Variants in JARID2 observed in about 807,000 individuals in gnomAD.
JARID2 encodes jumonji and AT-rich interaction domain containing 2, also known as protein Jumonji.
Under a neutral mutation model 125.6 loss-of-function variants are expected in JARID2, and 21 were observed. The ratio of observed to expected loss-of-function variants is 0.17; its 90% CI spans 0.12 to 0.24. The LOEUF (loss-of-function observed/expected upper bound fraction) is 0.24, where lower values mean the gene tolerates loss of function less well. Among genes scored for constraint, JARID2 ranks in the 10% least tolerant of loss-of-function variants. The probability of loss-of-function intolerance (pLI) is 1.00; values close to 1 mark genes in which losing one functional copy is unlikely to be tolerated. For missense variants in JARID2, 1,303 were observed against 1,639.6 expected (o/e 0.79, Z 3.55); for synonymous variants, 736 against 661.6 (o/e 1.11, Z -1.73).
At chr6:15,396,267 G>A (rs940747398) in intron 2 of JARID2, among the ~76,000 whole-genome samples, 1 of 152,158 alleles carries the variant, frequency 6.6e-6, no homozygotes, top group Admixed American at 6.5e-5. Flanking sequence ...CATGTAGGTA[G>A]CCCTGTATGT....
In JARID2 at chr6:15,496,207, G is replaced by T. The variant is rs762232615; in HGVS notation, c.982G>T (p.Val328Phe). The change falls in exon 7 of 18, where the codon GTC becomes TTC. Residue 328 changes from valine (V) to phenylalanine (F), a missense_variant. By Grantham distance (50) the Val-to-Phe change is conservative (BLOSUM62 -1). Transcript: ENST00000341776. ...GVTSAKKMRE[V>F]RPSPSKTVKY... ...AACCAGTGCCAAAAAGATGCGCGAG[G>T]TCAGACCTTCACCATCCAAAACTGT... is the stretch of plus-strand genomic sequence containing the variant. 3 of 1,614,046 alleles carry T rather than the reference G, an allele frequency of 1.9e-6. No homozygotes were observed. The highest frequency in any genetic ancestry group is 2.7e-5 in the African/African-American group (2 of 74,916).
chr6:15,297,939 C>G (rs1268402892), intron 1 of JARID2, among the ~76,000 whole-genome samples: 1 of 151,724 alleles, frequency 6.6e-6, no homozygotes, highest in Non-Finnish European at 1.5e-5. Flanking sequence ...GACTGGGAAA[C>G]TACAACATTC....
chr6:15,285,519 T>G (rs1240095601), intron 1 of JARID2, among the ~76,000 whole-genome samples: 1 of 152,132 alleles, frequency 6.6e-6, no homozygotes, highest in Non-Finnish European at 1.5e-5. Context: ...AAGTTAAACA[T>G]CTGGTCATAG....
In JARID2 at chr6:15,452,186, G is replaced by A. The variant is rs1400478576; in HGVS notation, c.493+11G>A. On this transcript the variant is annotated intron_variant, in intron 4 of 17. Coordinates refer to ENST00000341776, the MANE Select transcript of JARID2 (RefSeq NM_004973.4). Reference sequence around the variant, plus strand: ...TTCTCTGCCTTCGAGGTAAGACTTTGCAACCATCGGCGGAGGTCTACGTGG... The same window carrying A: ...TTCTCTGCCTTCGAGGTAAGACTTTACAACCATCGGCGGAGGTCTACGTGG... 2.5e-6 allele frequency: 4 copies of A among 1,613,220 alleles called. No homozygotes were observed. Among genetic ancestry groups the A allele is most frequent in the African/African-American group, 1.3e-5 (1 of 74,832 alleles).
chr6:15,283,427 A>G lies in JARID2; in HGVS notation c.45+36843A>G, dbSNP rs1475163399. 5.0e-5 allele frequency among the ~76,000 whole-genome samples: 6 copies of G among 120,508 alleles called. No individual in the cohort carries two copies. The East Asian group carries it at 1.3e-3, about 25-fold the overall frequency. The allele number at this position is 120,508 out of a possible 152,430, so 79.1% of individuals were successfully genotyped here. On this transcript the variant is annotated intron_variant, in intron 1 of 17. Transcript: ENST00000341776. ...GTGATCGCGGCTTACTGCAAGCTCC[A>G]CCTCCTGGGTTCATGCCATTCTCCT... is the stretch of plus-strand genomic sequence containing the variant.
At chr6:15,373,612 C>T (rs754246723) in intron 1 of JARID2, among the ~76,000 whole-genome samples, 4 of 152,184 alleles carry the variant, frequency 2.6e-5, no homozygotes, top group Non-Finnish European at 5.9e-5. Context: ...TCCATGTCTT[C>T]TGACTGGATT....
At chr6:15,379,291 AGTG>A (rs746758468) in intron 2 of JARID2, among the ~76,000 whole-genome samples, 1 of 152,120 alleles carries the variant, frequency 6.6e-6, no homozygotes, top group Admixed American at 6.5e-5. Context: ...TTAAGCGTGA[AGTG>A]GTAAGATTTG....
intron 4 of JARID2, among the ~76,000 whole-genome samples, chr6:15,465,534 T>G (rs17455404): frequency 1.3e-5 from 2 of 151,480 alleles, no homozygotes; most frequent in Non-Finnish European, 3.0e-5. Flanking sequence ...TTTAGTTCTT[T>G]GCAACATAAA....
At chr6:15,489,138 C>T (rs1770024660) in intron 6 of JARID2, among the ~76,000 whole-genome samples, 2 of 152,218 alleles carry the variant, frequency 1.3e-5, no homozygotes, top group Admixed American at 1.3e-4. Flanking sequence ...AGTGATTACA[C>T]CATGTGACTG....
intron 1 of JARID2, among the ~76,000 whole-genome samples, chr6:15,319,682 G>A (rs1762289443): frequency 6.6e-6 from 1 of 152,130 alleles, no homozygotes; most frequent in African/African-American, 2.4e-5. Flanking sequence ...ACTGCATCCG[G>A]TCTGTCCATA....
chr6:15,505,169 C>G (rs910516724), intron 9 of JARID2: 2 of 152,298 alleles, frequency 1.3e-5, no homozygotes, highest in African/African-American at 4.8e-5. Context: ...GGCCAGTGCC[C>G]AGCTGAGTCC....
intron 1 of JARID2, among the ~76,000 whole-genome samples, chr6:15,355,986 T>C (rs951991718): frequency 2.0e-5 from 3 of 152,190 alleles, no homozygotes; most frequent in Non-Finnish European, 4.4e-5. Flanking sequence ...TCCCCCCTCC[T>C]TTCCCAGCAA....
At position 15,520,558 on chromosome 6, in the gene JARID2, T is replaced by C. The variant is rs1358815453; in HGVS notation, c.*307T>C. On this transcript the variant is annotated 3_prime_UTR_variant, in exon 18 of 18. Coordinates refer to ENST00000341776, the MANE Select transcript of JARID2 (RefSeq NM_004973.4). Reference sequence around the variant, plus strand: ...AAGCCTTTTTTTTTGGTTTTGATTTTTTTTTTTTTGTAACTGTTGGGGGGA... The same window carrying C: ...AAGCCTTTTTTTTTGGTTTTGATTTCTTTTTTTTTGTAACTGTTGGGGGGA... 3.2e-6 allele frequency: 1 copy of C among 316,498 alleles called. No homozygotes were observed. Among genetic ancestry groups the C allele is most frequent in the Non-Finnish European group, 6.1e-6 (1 of 165,016 alleles). 19.6% of individuals were successfully genotyped at this position (316,498 alleles called of 1,614,324 possible). A position where few individuals can be genotyped will look rare whatever the true frequency, so the allele number is the denominator to read the frequency against.
At chr6:15,372,986 C>T (rs955706277) in intron 1 of JARID2, among the ~76,000 whole-genome samples, 1 of 152,140 alleles carries the variant, frequency 6.6e-6, no homozygotes, top group African/African-American at 2.4e-5. Flanking sequence ...GGATTACAGG[C>T]GTGAGGCACC....
chr6:15,516,151 G>T (rs754354151), intron 16 of JARID2, among the ~76,000 whole-genome samples: 1 of 152,130 alleles, frequency 6.6e-6, no homozygotes, highest in African/African-American at 2.4e-5. Context: ...TCTCTCCAAG[G>T]TCTTGTTTCT....
intron 4 of JARID2, among the ~76,000 whole-genome samples, chr6:15,454,002 G>A (rs1358304979): frequency 1.3e-5 from 2 of 152,166 alleles, no homozygotes; most frequent in Non-Finnish European, 2.9e-5. Context: ...ATGTTTATAA[G>A]GGTCTATCCG....
chr6:15,283,230 G>A (rs563220253), intron 1 of JARID2, among the ~76,000 whole-genome samples: 16 of 150,870 alleles, frequency 1.1e-4, no homozygotes, highest in East Asian at 3.9e-4. Flanking sequence ...TGCCCACCTT[G>A]GCCTCCCAAA....
chr6:15,397,551 G>C (rs987292810), intron 2 of JARID2, among the ~76,000 whole-genome samples: 27 of 152,302 alleles, frequency 1.8e-4, no homozygotes, highest in Middle Eastern at 3.4e-3. Context: ...CTGGGTGTCT[G>C]CATAGAATTA....
intron 1 of JARID2, among the ~76,000 whole-genome samples, chr6:15,292,212 G>A (rs1015320363): frequency 2.0e-5 from 3 of 151,770 alleles, no homozygotes; most frequent in African/African-American, 4.8e-5. Context: ...TAGTAGAGAC[G>A]GGGTTTCACT....
Sources: allele counts gnomAD v4.1 joint callset (sites outside exome capture counted in the v4.1 genomes callset), GRCh38; gene constraint gnomAD v4.1.1; transcripts MANE v1.5; gene names NCBI Gene and HGNC (gene_info 2026-07-23, HGNC 2026-07-21).